The following DACH2 variants were observed in gnomAD, a reference collection of about 807,000 sequenced individuals.
DACH2 encodes dachshund family transcription factor 2.
DACH2 carries 17 observed loss-of-function variants against 35.8 expected under a neutral mutation model. The observed-to-expected ratio is 0.48, with a 90% CI of 0.33 to 0.71. The LOEUF is 0.71. Among genes scored for constraint, DACH2 ranks in the 30% least tolerant of loss-of-function variants. DACH2 has a pLI of 0.02. For missense variants in DACH2, 469 were observed against 472.7 expected (o/e 0.99, Z 0.07); for synonymous variants, 195 against 177.3 (o/e 1.10, Z -0.79).
intron 3 of DACH2, among the ~76,000 whole-genome samples, chrX:86,572,599 C>T (rs1166585469): frequency 1.8e-5 from 2 of 111,586 alleles, no homozygotes; most frequent in Non-Finnish European, 3.8e-5. Flanking sequence ...AATACACATT[C>T]TTGCATTGTT....
At chrX:86,658,709 T>G (rs1030241724) in intron 4 of DACH2, among the ~76,000 whole-genome samples, 8 of 111,992 alleles carry the variant, frequency 7.1e-5, no homozygotes, top group Non-Finnish European at 1.3e-4. Context: ...CTTGAATGAT[T>G]ATAATTGTAG....
intron 7 of DACH2, among the ~76,000 whole-genome samples, chrX:86,747,601 A>G (rs2041727434): frequency 8.9e-6 from 1 of 112,000 alleles, no homozygotes; most frequent in Admixed American, 9.5e-5. Flanking sequence ...CAGTATACAT[A>G]CCTTAATTTG....
At chrX:86,811,927 G>C (rs1569484923) in intron 7 of DACH2, among the ~76,000 whole-genome samples, 1 of 111,473 alleles carries the variant, frequency 9.0e-6, no homozygotes, top group Non-Finnish European at 1.9e-5. Flanking sequence ...ATAGAGTAAT[G>C]AGAATATTGA....
intron 4 of DACH2, among the ~76,000 whole-genome samples, chrX:86,659,229 C>T (rs1023704126): frequency 2.7e-5 from 3 of 110,685 alleles, no homozygotes; most frequent in Non-Finnish European, 5.7e-5. Context: ...CTCTACCCAT[C>T]TTTCTTCTGT....
chrX:86,170,476 G>A (rs2031088875), intron 1 of DACH2, among the ~76,000 whole-genome samples: 1 of 112,075 alleles, frequency 8.9e-6, no homozygotes, highest in Admixed American at 9.4e-5. Flanking sequence ...GTGCTGTCAG[G>A]GATTCAGGTA....
At chrX:86,263,493 A>C (rs2033662531) in intron 1 of DACH2, among the ~76,000 whole-genome samples, 1 of 111,851 alleles carries the variant, frequency 8.9e-6, no homozygotes, top group African/African-American at 3.2e-5. Context: ...TCTTGAATTT[A>C]ATTGAATTTT....
intron 2 of DACH2, among the ~76,000 whole-genome samples, chrX:86,412,495 A>G (rs1348366201): frequency 8.9e-6 from 1 of 111,815 alleles, no homozygotes; most frequent in Admixed American, 9.5e-5. Context: ...CCGCCATTCT[A>G]TCAATCCAGC....
chrX:86,741,498 C>T, intron 7 of DACH2, among the ~76,000 whole-genome samples: 1 of 111,431 alleles, frequency 9.0e-6, no homozygotes, highest in Non-Finnish European at 1.9e-5. Context: ...GGGTTAAGAA[C>T]CAGTGGATCA....
intron 1 of DACH2, among the ~76,000 whole-genome samples, chrX:86,174,719 G>T (rs2031247191): frequency 9.0e-6 from 1 of 111,622 alleles, no homozygotes; most frequent in Non-Finnish European, 1.9e-5. Context: ...TGTTGCCCAG[G>T]CTGGAGTGCA....
chrX:86,741,693 A>C (rs908322231), intron 7 of DACH2, among the ~76,000 whole-genome samples: 1 of 111,777 alleles, frequency 8.9e-6, no homozygotes. Flanking sequence ...TGAATTTAAA[A>C]ACCAAAAGGA....
intron 7 of DACH2, among the ~76,000 whole-genome samples, chrX:86,796,392 C>A (rs2042239523): frequency 9.0e-6 from 1 of 111,585 alleles, no homozygotes; most frequent in South Asian, 3.7e-4. Flanking sequence ...TCTCCAAGTC[C>A]CCACTCAACC....
chrX:86,781,673 A>G (rs969706664), intron 7 of DACH2, among the ~76,000 whole-genome samples: 3 of 111,233 alleles, frequency 2.7e-5, no homozygotes, highest in African/African-American at 6.5e-5. Context: ...CTCTAGAAGG[A>G]CAGAACTAAT....
intron 1 of DACH2, among the ~76,000 whole-genome samples, chrX:86,236,802 C>T (rs2033065161): frequency 8.9e-6 from 1 of 111,949 alleles, no homozygotes; most frequent in South Asian, 3.7e-4. Context: ...AATGTGAAGT[C>T]CTAAGACATT....
chrX:86,606,806 GA>G (rs2039864799), intron 3 of DACH2, among the ~76,000 whole-genome samples: 1 of 111,788 alleles, frequency 8.9e-6, no homozygotes, highest in Non-Finnish European at 1.9e-5. Context: ...AAAGTCTCCA[GA>G]TACTATTCTA....
chrX:86,587,312 G>A (rs1411115499), intron 3 of DACH2, among the ~76,000 whole-genome samples: 3 of 111,576 alleles, frequency 2.7e-5, no homozygotes, highest in Non-Finnish European at 3.8e-5. Context: ...AAGCTTTGGC[G>A]AAAAGACTAT....
chrX:86,389,872 A>C (rs2036174390), intron 2 of DACH2, among the ~76,000 whole-genome samples: 1 of 112,347 alleles, frequency 8.9e-6, no homozygotes, highest in Admixed American at 9.4e-5. Context: ...TTCTTTTACA[A>C]AGCAAATGAT....
intron 1 of DACH2, among the ~76,000 whole-genome samples, chrX:86,315,462 G>A (rs1396517379): frequency 9.0e-6 from 1 of 111,696 alleles, no homozygotes; most frequent in African/African-American, 3.3e-5. Flanking sequence ...GAGCAATTTC[G>A]ATGTTCAAGT....
chrX:86,659,302 C>T (rs2040579643), intron 4 of DACH2, among the ~76,000 whole-genome samples: 2 of 110,852 alleles, frequency 1.8e-5, no homozygotes, highest in African/African-American at 6.5e-5. Flanking sequence ...CCTTCTATAA[C>T]TCATTCCAGG....
intron 1 of DACH2, among the ~76,000 whole-genome samples, chrX:86,293,605 T>C (rs1384710518): frequency 4.5e-5 from 5 of 110,708 alleles, no homozygotes; most frequent in Non-Finnish European, 9.4e-5. Flanking sequence ...AGGAGCTCTT[T>C]TAGGGCAGGC....
Sources: gnomAD v4.1 joint callset for allele counts (sites outside exome capture counted in the v4.1 genomes callset) on GRCh38, gnomAD v4.1.1 for gene constraint, MANE v1.5 for transcripts, NCBI Gene and HGNC (gene_info 2026-07-23, HGNC 2026-07-21) for gene names.